Variants in ASPH observed in about 807,000 individuals in gnomAD.
ASPH encodes the protein aspartyl/asparaginyl beta-hydroxylase.
Under a neutral mutation model 118.4 loss-of-function variants are expected in ASPH, and 100 were observed. The observed-to-expected ratio is 0.84, with a 90% CI of 0.72 to 1.00. ASPH has a LOEUF of 1.00. Among genes scored for constraint, ASPH ranks in the 50% least tolerant of loss-of-function variants. The pLI, the probability that ASPH is intolerant of heterozygous loss-of-function variation, is 0.00. For missense variants in ASPH, 920 were observed against 919.5 expected, an observed-to-expected ratio of 1.00 and a Z score of -0.01; for synonymous variants, 315 against 325.6, an observed-to-expected ratio of 0.97 and a Z score of 0.35.
intron 22 of ASPH, 141 bp from the exon 23 acceptor site, chr8:61,518,264 C>A (rs1029328218): frequency 3.0e-6 from 2 of 661,082 alleles, no homozygotes; most frequent in Non-Finnish European, 5.0e-6. Flanking sequence ...AGTAGGAATG[C>A]AAAAGGCTTA....
At chr8:61,685,191 C>T (rs1407174931) in intron 1 of ASPH, among the ~76,000 whole-genome samples, 1 of 152,046 alleles carries the variant, frequency 6.6e-6, no homozygotes, top group Admixed American at 6.6e-5. Context: ...ATGTTTCATC[C>T]TGTGCACCTG....
chr8:61,698,730 C>T (rs1295021242), intron 1 of ASPH, among the ~76,000 whole-genome samples: 2 of 152,036 alleles, frequency 1.3e-5, no homozygotes, highest in African/African-American at 2.4e-5. Flanking sequence ...CAATTATTAG[C>T]GAAAGACACT....
At position 61,633,701 on chromosome 8, in the gene ASPH, GTTC is replaced by G. The variant is rs1193270049; in HGVS notation, c.913_915del (p.Glu305del). The G allele has an allele frequency of 1.0e-5, 16 of 1,599,366 alleles. No individual in the cohort carries two copies. The highest frequency in any genetic ancestry group is 1.2e-5 in the Non-Finnish European group (14 of 1,172,690). On this transcript the variant is annotated inframe_deletion, in exon 13 of 25. Transcript: ENST00000379454. ...GTCATACCTGGTGGTACTTCCTGCT[GTTC>G]TTCCACAGGAAAAATGCTTACTTCT... is the stretch of plus-strand genomic sequence containing the variant.
intron 20 of ASPH, among the ~76,000 whole-genome samples, chr8:61,550,438 T>TACACACACACACACACACACAC (rs1208727854): frequency 1.4e-5 from 1 of 71,530 alleles, no homozygotes; most frequent in African/African-American, 4.7e-5. Flanking sequence ...TATGCACATG[T>TACACACACACACACACACACAC]ACATACACAC....
intron 21 of ASPH, among the ~76,000 whole-genome samples, chr8:61,532,907 C>T (rs1818106141): frequency 6.6e-6 from 1 of 152,190 alleles, no homozygotes; most frequent in South Asian, 2.1e-4. Context: ...GTGAAAAGTG[C>T]TTGCACTATA....
intron 3 of ASPH, chr8:61,661,998 A>G (rs1817173390): frequency 2.6e-6 from 1 of 390,992 alleles, no homozygotes; most frequent in Non-Finnish European, 4.6e-6. Flanking sequence ...CGTTAGGAAT[A>G]ACTAAAATTC....
intron 21 of ASPH, among the ~76,000 whole-genome samples, chr8:61,527,070 G>A (rs2129626999): frequency 6.6e-6 from 1 of 152,304 alleles, no homozygotes; most frequent in Middle Eastern, 3.4e-3. Context: ...CATGGACAGG[G>A]AGGAACATGT....
At chr8:61,513,052 G>T (rs1175546398) in intron 24 of ASPH, among the ~76,000 whole-genome samples, 1 of 152,162 alleles carries the variant, frequency 6.6e-6, no homozygotes, top group Non-Finnish European at 1.5e-5. Flanking sequence ...GCTACGCTTT[G>T]CAGGGATGGA....
intron 24 of ASPH, among the ~76,000 whole-genome samples, chr8:61,506,063 G>A (rs899401087): frequency 3.9e-5 from 6 of 152,202 alleles, no homozygotes; most frequent in African/African-American, 4.8e-5. Flanking sequence ...TAGAAGGTGA[G>A]AGCCACCCAC....
chr8:61,575,680 A>C (rs137945370), intron 16 of ASPH, among the ~76,000 whole-genome samples: 466 of 152,262 alleles, frequency 3.1e-3, no homozygotes, highest in African/African-American at 0.011. Flanking sequence ...ATTATTTTTA[A>C]ATTTTCTGTA....
intron 15 of ASPH, chr8:61,578,544 G>T: frequency 2.6e-6 from 4 of 1,539,646 alleles, no homozygotes; most frequent in Non-Finnish European, 3.6e-6. Context: ...CACAGACAAG[G>T]TACGGTTCCT....
At chr8:61,649,335 C>T (rs1419282151) in intron 5 of ASPH, among the ~76,000 whole-genome samples, 1 of 152,106 alleles carries the variant, frequency 6.6e-6, no homozygotes, top group South Asian at 2.1e-4. Flanking sequence ...AAAAGACTAG[C>T]ATAAGCAATC....
intron 1 of ASPH, among the ~76,000 whole-genome samples, chr8:61,706,117 A>G (rs1487206312): frequency 6.6e-6 from 1 of 152,180 alleles, no homozygotes; most frequent in Non-Finnish European, 1.5e-5. Context: ...AAAAATTGTC[A>G]GACTTAAATA....
chr8:61,645,917 G>A (rs1807699023), intron 6 of ASPH, among the ~76,000 whole-genome samples: 1 of 152,204 alleles, frequency 6.6e-6, no homozygotes, highest in Non-Finnish European at 1.5e-5. Flanking sequence ...ACACACAATG[G>A]CTCATGCCTG....
intron 13 of ASPH, among the ~76,000 whole-genome samples, chr8:61,626,897 T>C (rs980782967): frequency 6.6e-6 from 1 of 152,052 alleles, no homozygotes; most frequent in African/African-American, 2.4e-5. Context: ...TATCACAGAA[T>C]TGGATTTGTG....
At chr8:61,558,210 C>A (rs559074032) in intron 18 of ASPH, among the ~76,000 whole-genome samples, 3 of 152,064 alleles carry the variant, frequency 2.0e-5, no homozygotes, top group Non-Finnish European at 4.4e-5. Flanking sequence ...AAGAGGGGCA[C>A]CTGGCTCACT....
At chr8:61,657,325 TTGA>T (rs1330580325) in intron 3 of ASPH, 28 of 152,168 alleles carry the variant, frequency 1.8e-4, no homozygotes, top group African/African-American at 6.3e-4. Flanking sequence ...GAAATACATG[TTGA>T]AATGTGCCAT....
intron 4 of ASPH, 98 bp from the exon 5 acceptor site, chr8:61,651,222 A>AAT: frequency 1.0e-6 from 1 of 992,790 alleles, no homozygotes. Flanking sequence ...CATTAAAATG[A>AAT]ATATATTTGA....
At chr8:61,532,004 G>C (rs1817757443) in intron 21 of ASPH, among the ~76,000 whole-genome samples, 1 of 152,152 alleles carries the variant, frequency 6.6e-6, no homozygotes, top group African/African-American at 2.4e-5. Flanking sequence ...AAACACGGGG[G>C]TGCAGATACC....
Sources: allele counts gnomAD v4.1 joint callset (sites outside exome capture counted in the v4.1 genomes callset), GRCh38; gene constraint gnomAD v4.1.1; transcripts MANE v1.5; gene names NCBI Gene and HGNC (gene_info 2026-07-23, HGNC 2026-07-21).